Variants in NRCAM observed in about 807,000 individuals in gnomAD.
NRCAM encodes the protein neuronal cell adhesion molecule.
Under a neutral mutation model 156.5 loss-of-function variants are expected in NRCAM, and 83 were observed. The ratio of observed to expected loss-of-function variants is 0.53; its 90% confidence interval spans 0.44 to 0.64. NRCAM has a LOEUF of 0.64. Ranked by LOEUF, NRCAM falls within the 30% of genes least tolerant of loss-of-function variation. The pLI is 0.00. For missense variants in NRCAM, 1,417 were observed against 1,597.3 expected (o/e 0.89, Z 1.92); for synonymous variants, 538 against 563.9 (o/e 0.95, Z 0.65).
chr7:108,447,260 T>A (rs1322717473), intron 1 of NRCAM, among the ~76,000 whole-genome samples: 2 of 25,166 alleles, frequency 7.9e-5, no homozygotes. Flanking sequence ...CACTTCTTTC[T>A]TTTTTTTTTT....
intron 2 of NRCAM, among the ~76,000 whole-genome samples, chr7:108,342,390 C>T (rs1563345174): frequency 6.6e-6 from 1 of 152,188 alleles, no homozygotes; most frequent in South Asian, 2.1e-4. Flanking sequence ...ATCCCAAAAC[C>T]CTAAAGCAAC....
At chr7:108,335,158 A>G (rs889935670) in intron 2 of NRCAM, among the ~76,000 whole-genome samples, 1 of 152,214 alleles carries the variant, frequency 6.6e-6, no homozygotes, top group Non-Finnish European at 1.5e-5. Flanking sequence ...ATTTGTTAGT[A>G]TATGTAGTGT....
chr7:108,439,832 C>CAAAAAAAA (rs34432715), intron 1 of NRCAM, among the ~76,000 whole-genome samples: 3 of 70,436 alleles, frequency 4.3e-5, no homozygotes, highest in Non-Finnish European at 7.8e-5. Flanking sequence ...GACTCCGTCA[C>CAAAAAAAA]AAAAAAAAAA....
intron 3 of NRCAM, among the ~76,000 whole-genome samples, chr7:108,263,136 C>T (rs562947423): frequency 2.0e-5 from 3 of 152,296 alleles, no homozygotes; most frequent in South Asian, 2.1e-4. Flanking sequence ...CCCACAGGAA[C>T]CACGTGGATG....
intron 1 of NRCAM, among the ~76,000 whole-genome samples, chr7:108,455,636 C>G (rs1859769): frequency 0.65 from 99,043 of 152,082 alleles, 32,936 homozygotes; most frequent in African/African-American, 0.8. Context: ...CAGGCAGCGA[C>G]TGGAGAAGCG....
At chr7:108,321,967 C>T (rs546841258) in intron 2 of NRCAM, among the ~76,000 whole-genome samples, 1 of 152,252 alleles carries the variant, frequency 6.6e-6, no homozygotes, top group Non-Finnish European at 1.5e-5. Context: ...GATTCAGGAA[C>T]AGTGAAGGAG....
intron 2 of NRCAM, among the ~76,000 whole-genome samples, chr7:108,361,889 A>G (rs1299465369): frequency 1.5e-5 from 2 of 135,202 alleles, no homozygotes; most frequent in Non-Finnish European, 3.3e-5. Flanking sequence ...TATACCTCCT[A>G]TTGGCCTTAC....
At chr7:108,194,840 T>C (rs892386329) in intron 15 of NRCAM, among the ~76,000 whole-genome samples, 1 of 152,236 alleles carries the variant, frequency 6.6e-6, no homozygotes, top group African/African-American at 2.4e-5. Flanking sequence ...TTTTCTTTCA[T>C]TCATTCCTTC....
chr7:108,385,528 C>T (rs1017268733), intron 2 of NRCAM, among the ~76,000 whole-genome samples: 2 of 152,210 alleles, frequency 1.3e-5, no homozygotes, highest in African/African-American at 4.8e-5. Context: ...AGCAAAATCA[C>T]AGTGGGATCT....
Position 108,315,007 on chromosome 7 carries a change from A to AC in NRCAM, c.-173-2277dup, listed in dbSNP as rs150711707. On this transcript the variant is annotated intron_variant, in intron 2 of 32. Transcript: ENST00000379028. ...AGATATCAAGCCTTTGATTGCCCCCACCCCCCCAACAACCCAGTCAATTCT... is the reference window on the plus strand; with the variant it reads ...AGATATCAAGCCTTTGATTGCCCCCACCCCCCCCAACAACCCAGTCAATTCT... Among the ~76,000 whole-genome samples, 173 of 146,568 alleles carry AC rather than the reference A, an allele frequency of 1.2e-3. 2 individuals are homozygous for AC. The highest frequency in any genetic ancestry group is 5.7e-3 in the South Asian group (25 of 4,356).
chr7:108,439,002 A>G (rs563776306), intron 1 of NRCAM, among the ~76,000 whole-genome samples: 1 of 152,328 alleles, frequency 6.6e-6, no homozygotes, highest in South Asian at 2.1e-4. Context: ...ATTAAATGTT[A>G]TGAATTGGAA....
intron 2 of NRCAM, among the ~76,000 whole-genome samples, chr7:108,323,747 T>C (rs1372465928): frequency 1.3e-5 from 2 of 152,080 alleles, no homozygotes; most frequent in Non-Finnish European, 2.9e-5. Context: ...ACAAATATTG[T>C]GTTTTAGGTT....
chr7:108,163,269 C>A (rs2151522155), intron 30 of NRCAM, among the ~76,000 whole-genome samples: 1 of 152,150 alleles, frequency 6.6e-6, no homozygotes, highest in Non-Finnish European at 1.5e-5. Flanking sequence ...ATGAGATTTG[C>A]TTTGTTTTCT....
chr7:108,364,970 A>C (rs1373584001), intron 2 of NRCAM, among the ~76,000 whole-genome samples: 1 of 152,182 alleles, frequency 6.6e-6, no homozygotes, highest in Admixed American at 6.5e-5. Context: ...ATCATATGTG[A>C]AATATATCTC....
intron 2 of NRCAM, among the ~76,000 whole-genome samples, chr7:108,317,044 T>C (rs1011039269): frequency 2.6e-5 from 4 of 152,236 alleles, no homozygotes; most frequent in Non-Finnish European, 4.4e-5. Flanking sequence ...TCTCCATTTC[T>C]GGCTGTATGT....
At chr7:108,381,549 A>ATT (rs34858873) in intron 2 of NRCAM, among the ~76,000 whole-genome samples, 1 of 134,156 alleles carries the variant, frequency 7.5e-6, no homozygotes, top group Non-Finnish European at 1.6e-5. Context: ...GGCTTTGACC[A>ATT]TTTTTTTTTT....
intron 28 of NRCAM, among the ~76,000 whole-genome samples, chr7:108,169,708 A>G (rs2057270613): frequency 6.6e-6 from 1 of 152,108 alleles, no homozygotes; most frequent in African/African-American, 2.4e-5. Flanking sequence ...GTTTTCCGAG[A>G]TTTTCTTCTT....
intron 2 of NRCAM, among the ~76,000 whole-genome samples, chr7:108,394,192 T>C (rs568172269): frequency 6.6e-6 from 1 of 152,044 alleles, no homozygotes; most frequent in East Asian, 1.9e-4. Flanking sequence ...CAGAGGACAA[T>C]CCCCAAAAGG....
chr7:108,178,415 G>C, intron 25 of NRCAM: 1 of 417,854 alleles, frequency 2.4e-6, no homozygotes, highest in South Asian at 1.9e-5. Context: ...TTTGACGCAT[G>C]AATGGTGTCT....
Sources: gnomAD v4.1 joint callset for allele counts (sites outside exome capture counted in the v4.1 genomes callset) on GRCh38, gnomAD v4.1.1 for gene constraint, MANE v1.5 for transcripts, NCBI Gene and HGNC (gene_info 2026-07-23, HGNC 2026-07-21) for gene names.